The following MAST2 variants were observed in gnomAD, a reference collection of about 807,000 sequenced individuals.
MAST2 encodes the protein microtubule-associated serine/threonine-protein kinase 2.
In MAST2, 70 loss-of-function variants were observed where a neutral mutation model predicts 147.4. The ratio of observed to expected loss-of-function variants is 0.47; its 90% CI spans 0.39 to 0.58. MAST2 has a LOEUF of 0.58. Ranked by LOEUF, MAST2 falls within the 20% of genes least tolerant of loss-of-function variation. The pLI, the probability that MAST2 is intolerant of heterozygous loss-of-function variation, is 0.00. For missense variants in MAST2, 2,080 were observed against 2,302.3 expected, an observed-to-expected ratio of 0.90 and a Z score of 1.98; for synonymous variants, 869 against 896.8, an observed-to-expected ratio of 0.97 and a Z score of 0.55.
In MAST2 at chr1:46,023,339, G is replaced by A; in HGVS notation, c.1571+21G>A. 7 of 1,609,794 alleles carry A rather than the reference G, an allele frequency of 4.3e-6. No individual in the cohort carries two copies. The highest frequency in any genetic ancestry group is 6.0e-6 in the Non-Finnish European group (7 of 1,176,328). On this transcript the variant is annotated intron_variant, in intron 14 of 28. Coordinates refer to ENST00000361297, the MANE Select transcript of MAST2 (RefSeq NM_015112.3). The surrounding 1 kb of genome is among the most constrained non-coding windows in gnomAD (Gnocchi z 4.9). ...TATGGGTAAAGGCAGGGGTCAGGGT[G>A]TGGCCAGGACTGAAGCCGGGTCAGC... is the stretch of plus-strand genomic sequence containing the variant.
At chr1:45,999,048 T>C (rs76641757) in intron 6 of MAST2, among the ~76,000 whole-genome samples, 1 of 151,976 alleles carries the variant, frequency 6.6e-6, no homozygotes, top group African/African-American at 2.4e-5. Context: ...GACTACTTTT[T>C]AAAAAAAGAC....
chr1:45,823,419 T>A (rs1644698171), intron 1 of MAST2, among the ~76,000 whole-genome samples: 1 of 151,846 alleles, frequency 6.6e-6, no homozygotes, highest in Non-Finnish European at 1.5e-5. Flanking sequence ...CACTGCAACC[T>A]CTGCCTCCTG....
At chr1:45,996,100 C>T (rs529379115) in intron 5 of MAST2, among the ~76,000 whole-genome samples, 1 of 151,660 alleles carries the variant, frequency 6.6e-6, no homozygotes, top group South Asian at 2.1e-4. Flanking sequence ...TTTTTCCCCT[C>T]TCGGTGTTAG....
At chr1:45,868,671 T>TG (rs2148139673) in intron 3 of MAST2, among the ~76,000 whole-genome samples, 1 of 152,290 alleles carries the variant, frequency 6.6e-6, no homozygotes, top group African/African-American at 2.4e-5. Flanking sequence ...GAGAAAGCCT[T>TG]GGGACTTTTT....
At chr1:46,029,791 G>C (rs1344663454) in intron 19 of MAST2, 40 bp from the exon 20 acceptor site, 3 of 1,609,566 alleles carry the variant, frequency 1.9e-6, no homozygotes, top group Non-Finnish European at 2.5e-6. Context: ...ACTCCATGCT[G>C]CTCATCCTAC....
intron 25 of MAST2, 78 bp downstream of exon 25, chr1:46,032,482 C>T (rs1380609474): frequency 2.3e-5 from 37 of 1,598,166 alleles, no homozygotes; most frequent in Non-Finnish European, 3.2e-5. Flanking sequence ...CCCATCTGTC[C>T]CTGCTCGGGG....
At chr1:45,915,583 G>T (rs560307433) in intron 4 of MAST2, among the ~76,000 whole-genome samples, 3 of 151,868 alleles carry the variant, frequency 2.0e-5, no homozygotes, top group Non-Finnish European at 4.4e-5. Context: ...GGTGGCGGGC[G>T]CCTGTAATCC....
chr1:45,862,037 C>T (rs1021019786), intron 3 of MAST2, among the ~76,000 whole-genome samples: 6 of 152,254 alleles, frequency 3.9e-5, no homozygotes, highest in African/African-American at 1.2e-4. Flanking sequence ...CTTCTGTTTC[C>T]TACAGTTTAA....
At chr1:45,987,222 C>G (rs544245230) in intron 5 of MAST2, among the ~76,000 whole-genome samples, 1 of 152,118 alleles carries the variant, frequency 6.6e-6, no homozygotes, top group East Asian at 1.9e-4. Context: ...CTTTCTCATT[C>G]TTGATGTTGG....
intron 5 of MAST2, among the ~76,000 whole-genome samples, chr1:45,981,607 G>C (rs945845987): frequency 5.9e-5 from 9 of 152,162 alleles, no homozygotes; most frequent in Non-Finnish European, 1.5e-5. Flanking sequence ...AGCAGGAGCT[G>C]TTACCTTCTT....
At position 46,032,255 on chromosome 1, in the gene MAST2, T is replaced by C. The variant is rs763510945; in HGVS notation, c.3265T>C (p.Ser1089Pro). Residue 1089 changes from serine to proline, a missense_variant, in exon 25 of 29, where the codon TCT becomes CCT. By Grantham distance (74) the Ser-to-Pro change is moderately conservative. Transcript: ENST00000361297. ...QSSNPSSRDS[S>P]PSRDFLPALG... ...GTCCAACCCATCATCCCGGGACTCT[T>C]CTCCAAGCAGGGACTTCTTGCCAGC... 1 of 1,614,128 alleles carries C rather than the reference T, an allele frequency of 6.2e-7. No homozygotes were observed. Among genetic ancestry groups the C allele is most frequent in the Admixed American group, 1.7e-5 (1 of 60,024 alleles).
intron 5 of MAST2, among the ~76,000 whole-genome samples, chr1:45,991,346 G>A (rs1232391095): frequency 6.6e-6 from 1 of 152,066 alleles, no homozygotes; most frequent in Non-Finnish European, 1.5e-5. Context: ...TTCTTCTTCA[G>A]TATTGTATTG....
chr1:45,863,480 T>C lies in MAST2; in HGVS notation c.469-18884T>C, dbSNP rs527845702. On this transcript the variant is annotated intron_variant, in intron 3 of 28. Coordinates refer to ENST00000361297, the MANE Select transcript of MAST2 (RefSeq NM_015112.3). The stretch of plus-strand genomic sequence containing the variant: ...CTCTCACAATGAAAGACCACACTGG[T>C]TATGCTAAGGATTAGAAGATTTCTG... 4.6e-5 allele frequency among the ~76,000 whole-genome samples: 7 copies of C among 152,344 alleles called. 1 individual carries two copies. The South Asian group carries it at 1.4e-3, about 32-fold the overall frequency.
intron 4 of MAST2, among the ~76,000 whole-genome samples, chr1:45,931,899 T>C (rs12131529): frequency 0.34 from 51,480 of 151,802 alleles, 9,105 homozygotes; most frequent in African/African-American, 0.43. Flanking sequence ...CTGTGTTGCC[T>C]AGGCTGGTCT....
chr1:46,000,620 C>T (rs577532609), intron 6 of MAST2, among the ~76,000 whole-genome samples: 1 of 152,238 alleles, frequency 6.6e-6, no homozygotes, highest in South Asian at 2.1e-4. Flanking sequence ...GAACATGGAT[C>T]TCTGGGCTGT....
intron 1 of MAST2, among the ~76,000 whole-genome samples, chr1:45,810,229 T>C (rs1233312975): frequency 1.3e-5 from 2 of 152,204 alleles, no homozygotes; most frequent in Non-Finnish European, 2.9e-5. Context: ...TAGAATATTT[T>C]TGAGGATGGC....
At chr1:45,818,588 C>T (rs1384721676) in intron 1 of MAST2, among the ~76,000 whole-genome samples, 3 of 152,124 alleles carry the variant, frequency 2.0e-5, no homozygotes, top group South Asian at 4.1e-4. Context: ...GTAGGATGGT[C>T]GATGTTGAGT....
At chr1:45,813,496 A>ATT (rs34566447) in intron 1 of MAST2, among the ~76,000 whole-genome samples, 9 of 134,620 alleles carry the variant, frequency 6.7e-5, no homozygotes, top group South Asian at 2.4e-4. Context: ...CGCCTGGCCA[A>ATT]TTTTTTTTTT....
chr1:45,852,611 T>C (rs4579700), intron 3 of MAST2, among the ~76,000 whole-genome samples: 67,181 of 151,030 alleles, frequency 0.44, 15,153 homozygotes, highest in East Asian at 0.62. Flanking sequence ...GCTCAAGTGA[T>C]CCTCCTCCCT....
Sources: allele counts gnomAD v4.1 joint callset (sites outside exome capture counted in the v4.1 genomes callset), GRCh38; gene constraint gnomAD v4.1.1; non-coding constraint Gnocchi (gnomAD v3.1); transcripts MANE v1.5; gene names NCBI Gene and HGNC (gene_info 2026-07-23, HGNC 2026-07-21).